TEX2: variants seen among roughly 807,000 people sequenced by gnomAD.
The protein encoded by TEX2 is testis expressed 2.
A neutral mutation model predicts 106.9 loss-of-function variants in TEX2; 53 were observed. That is an observed-to-expected ratio of 0.50 (90% CI 0.40 to 0.62). The LOEUF (loss-of-function observed/expected upper bound fraction) is 0.62. Ranked by LOEUF, TEX2 falls within the 20% of genes least tolerant of loss-of-function variation. TEX2 has a pLI of 0.00. For synonymous variants in TEX2, 523 were observed against 534.8 expected (o/e 0.98, Z 0.30); for missense variants, 1,207 against 1,379.0 (o/e 0.88, Z 1.98).
At chr17:64,245,218 G>T (rs940159147) in intron 1 of TEX2, among the ~76,000 whole-genome samples, 50 of 152,134 alleles carry the variant, frequency 3.3e-4, no homozygotes, top group Admixed American at 1.1e-3. Context: ...ACAATCTGCT[G>T]AGAAAATTGC....
chr17:64,248,024 T>C (rs1289583100), intron 1 of TEX2, among the ~76,000 whole-genome samples: 1 of 152,200 alleles, frequency 6.6e-6, no homozygotes, highest in Non-Finnish European at 1.5e-5. Context: ...GCATGTGAAA[T>C]CTCACTCCAG....
chr17:64,186,346 G>A (rs1412474591), intron 5 of TEX2, among the ~76,000 whole-genome samples: 2 of 152,178 alleles, frequency 1.3e-5, no homozygotes, highest in East Asian at 1.9e-4. Context: ...CACTAAAGCT[G>A]GGGTGACTCA....
At chr17:64,233,097 C>T (rs1209376074) in intron 1 of TEX2, among the ~76,000 whole-genome samples, 2 of 152,150 alleles carry the variant, frequency 1.3e-5, no homozygotes, top group East Asian at 1.9e-4. Context: ...TGGAGTTTCA[C>T]AACTGATGGA....
At position 64,193,833 on chromosome 17, in the gene TEX2, G is replaced by A. The variant is rs1567932180; in HGVS notation, c.1902C>T (p.Pro634=). The A allele has an allele frequency of 1.3e-6, 2 of 1,585,912 alleles. No individual in the cohort carries two copies. Among genetic ancestry groups the A allele is most frequent in the Non-Finnish European group, 1.7e-6 (2 of 1,162,248 alleles). Residue 634 remains proline (P), a synonymous_variant, in exon 4 of 12, where the codon CCC becomes CCT. Transcript: ENST00000584379. Reference sequence around the variant, plus strand: ...CTTGCTGACCAAGCTCGATACAAATGGGGTACTTTTTATTCCAGATTCGCT... The same window carrying A: ...CTTGCTGACCAAGCTCGATACAAATAGGGTACTTTTTATTCCAGATTCGCT... ...ARKRIWNKKY[P]ICIELGQQDD... is the part of the protein sequence containing the mutation.
chr17:64,154,526 G>C (rs1465687731), intron 9 of TEX2, among the ~76,000 whole-genome samples: 4 of 152,216 alleles, frequency 2.6e-5, no homozygotes, highest in African/African-American at 9.7e-5. Context: ...GGCTCTCCGG[G>C]GGGAGGGGGT....
chr17:64,238,582 A>C (rs2033819990), intron 1 of TEX2, among the ~76,000 whole-genome samples: 1 of 152,210 alleles, frequency 6.6e-6, no homozygotes, highest in Non-Finnish European at 1.5e-5. Flanking sequence ...ACGGCAGGAG[A>C]CACCTCTTCA....
Position 64,214,179 on chromosome 17 carries a change from A to C in TEX2, c.39T>G (p.Thr13=). Residue 13 remains threonine, a synonymous_variant, in exon 2 of 12, where the codon ACT becomes ACG. Transcript: ENST00000584379. ...TAGGGGCTGATGGTTTTGGCATGTCAGTGGTTTTCTCGGCATGGCGACCAT... is the reference window on the plus strand; with the variant it reads ...TAGGGGCTGATGGTTTTGGCATGTCCGTGGTTTTCTCGGCATGGCGACCAT... ...SLYGRHAEKT[T]DMPKPSAPKV... 6.2e-7 allele frequency: 1 copy of C among 1,614,084 alleles called. No homozygotes were observed. Among genetic ancestry groups the C allele is most frequent in the South Asian group, 1.1e-5 (1 of 91,080 alleles).
intron 2 of TEX2, among the ~76,000 whole-genome samples, chr17:64,199,330 G>A (rs1555629791): frequency 6.6e-6 from 1 of 152,176 alleles, no homozygotes; most frequent in African/African-American, 2.4e-5. Context: ...TGCACCTCCT[G>A]GGTTCAAGCA....
intron 5 of TEX2, among the ~76,000 whole-genome samples, chr17:64,183,267 G>A (rs925019148): frequency 5.3e-5 from 8 of 152,208 alleles, no homozygotes; most frequent in African/African-American, 1.9e-4. Flanking sequence ...AAGTGTTTGT[G>A]TAAACATGTA....
At chr17:64,155,105 C>T in intron 8 of TEX2, 138 bp from the exon 9 acceptor site, 1 of 1,092,162 alleles carries the variant, frequency 9.2e-7, no homozygotes, top group Non-Finnish European at 1.2e-6. Flanking sequence ...GTCATTCTCT[C>T]CAACCCACCC....
At chr17:64,239,351 T>A (rs2033835296) in intron 1 of TEX2, 1 of 152,258 alleles carries the variant, frequency 6.6e-6, no homozygotes, top group South Asian at 2.1e-4. Flanking sequence ...CTCTGCTTCA[T>A]CTTCTTAAAA....
Position 64,154,888 on chromosome 17 carries a change from G to C in TEX2, c.2884C>G (p.Pro962Ala). 6.2e-7 allele frequency: 1 copy of C among 1,609,032 alleles called. No homozygotes were observed. Among genetic ancestry groups the C allele is most frequent in the Non-Finnish European group, 8.5e-7 (1 of 1,178,322 alleles). ...SAGSSEEDDAPEPSGGDKQLL... is the reference protein window; with the variant it reads ...SAGSSEEDDAAEPSGGDKQLL... ...TGTTTGTCTCCCCCGCTGGGCTCTG[G>C]GGCATCGTCTTCCTCGGAGGAGCCA... Residue 962 changes from proline to alanine, a missense_variant, in exon 9 of 12, where the codon CCA becomes GCA. Pro to Ala is a conservative substitution (Grantham distance 27). This residue lies in a region of TEX2 where 1,067 missense variants were observed against 1,193.6 expected (regional missense o/e 0.89). Coordinates refer to ENST00000584379, the MANE Select transcript of TEX2 (RefSeq NM_001288732.2).
chr17:64,182,767 A>C (rs12936695), intron 5 of TEX2, among the ~76,000 whole-genome samples: 24,354 of 152,086 alleles, frequency 0.16, 2,800 homozygotes, highest in African/African-American at 0.32. Context: ...TTTTCAAGGC[A>C]TATCCATGTT....
At chr17:64,248,232 A>G (rs1249287647) in intron 1 of TEX2, among the ~76,000 whole-genome samples, 3 of 152,212 alleles carry the variant, frequency 2.0e-5, no homozygotes, top group Non-Finnish European at 4.4e-5. Flanking sequence ...AAAGAACAAG[A>G]GAGAAAGACA....
intron 5 of TEX2, among the ~76,000 whole-genome samples, chr17:64,184,657 TAAG>T (rs1186879614): frequency 2.0e-5 from 3 of 152,208 alleles, no homozygotes; most frequent in Admixed American, 6.5e-5. Flanking sequence ...GTATCTTAGC[TAAG>T]AAGGTTTATC....
Position 64,243,455 on chromosome 17 carries a change from C to T in TEX2, c.-26+19713G>A, listed in dbSNP as rs185574999. 1.6e-3 allele frequency among the ~76,000 whole-genome samples: 242 copies of T among 152,236 alleles called. 1 individual carries two copies. The highest frequency in any genetic ancestry group is 0.014 in the Middle Eastern group (4 of 294). On this transcript the variant is annotated intron_variant, in intron 1 of 11. Coordinates refer to ENST00000584379, the MANE Select transcript of TEX2 (RefSeq NM_001288732.2). ...AAAGACCCTTGGGGGAAACACTGGGCCTCAGCTCCTGATGTGAGTGGGGAG... is the reference window on the plus strand; with the variant it reads ...AAAGACCCTTGGGGGAAACACTGGGTCTCAGCTCCTGATGTGAGTGGGGAG...
At chr17:64,166,435 T>C (rs1241403726) in intron 7 of TEX2, among the ~76,000 whole-genome samples, 2 of 152,174 alleles carry the variant, frequency 1.3e-5, no homozygotes, top group African/African-American at 4.8e-5. Context: ...ATGGGCAGCC[T>C]CTGATGGGGC....
intron 2 of TEX2, among the ~76,000 whole-genome samples, chr17:64,196,982 ATT>A (rs59960456): frequency 1.5e-3 from 98 of 63,572 alleles, no homozygotes; most frequent in Middle Eastern, 0.017. Flanking sequence ...TCAAATCAAG[ATT>A]TTTTTTTTTT....
chr17:64,240,233 A>ATGTGTG (rs67965706), intron 1 of TEX2, among the ~76,000 whole-genome samples: 7,658 of 147,364 alleles, frequency 0.052, 628 homozygotes, highest in African/African-American at 0.18. Context: ...GTATATGCAG[A>ATGTGTG]TGTGTGTGTG....
Sources: gnomAD v4.1 joint callset for allele counts (sites outside exome capture counted in the v4.1 genomes callset) on GRCh38, gnomAD v4.1.1 for gene constraint, gnomAD v4.1.1 regional missense constraint, MANE v1.5 for transcripts, NCBI Gene and HGNC (gene_info 2026-07-23, HGNC 2026-07-21) for gene names.